Variants in UGT1A8 observed in about 807,000 individuals in gnomAD.
The protein encoded by UGT1A8 is UDP glucuronosyltransferase family 1 member A8, also known as UDP-glucuronosyltransferase 1A8.
In UGT1A8, 39 loss-of-function variants were observed where a neutral mutation model predicts 45.3. The ratio of observed to expected loss-of-function variants is 0.86; its 90% CI spans 0.67 to 1.12. UGT1A8 has a LOEUF of 1.12. Ranked by LOEUF, UGT1A8 falls within the 50% of genes most tolerant of loss-of-function variation. The pLI, the probability that UGT1A8 is intolerant of heterozygous loss-of-function variation, is 0.00. For synonymous variants in UGT1A8, 275 were observed against 249.2 expected (o/e 1.10, Z -0.97); for missense variants, 719 against 664.9 (o/e 1.08, Z -0.90).
At chr2:233,626,112 A>C (rs2073080508) in intron 1 of UGT1A8, among the ~76,000 whole-genome samples, 1 of 151,912 alleles carries the variant, frequency 6.6e-6, no homozygotes, top group Non-Finnish European at 1.5e-5. Context: ...ACTTGGTGTA[A>C]ATTTATGGAA....
chr2:233,639,886 C>T (rs2073404712), intron 1 of UGT1A8, among the ~76,000 whole-genome samples: 1 of 152,154 alleles, frequency 6.6e-6, no homozygotes, highest in Admixed American at 6.5e-5. Flanking sequence ...AATAATTCAG[C>T]AGAACATTGA....
At chr2:233,627,624 T>TCTTTCTTCCTTC (rs2073108388) in intron 1 of UGT1A8, among the ~76,000 whole-genome samples, 1 of 111,934 alleles carries the variant, frequency 8.9e-6, no homozygotes, top group Non-Finnish European at 1.9e-5. Context: ...TTCCTTCCTT[T>TCTTTCTTCCTTC]CTTCCTTCCT....
At chr2:233,743,880 G>GC (rs1692566071) in intron 1 of UGT1A8, 1 of 1,365,832 alleles carries the variant, frequency 7.3e-7, no homozygotes, top group Non-Finnish European at 9.8e-7. Context: ...GATGAGGCCT[G>GC]CCGGGGCACG....
chr2:233,672,904 C>G, intron 1 of UGT1A8: 1 of 1,508,064 alleles, frequency 6.6e-7, no homozygotes, highest in East Asian at 2.3e-5. Flanking sequence ...AATTTCTTTC[C>G]AGTTTAACAA....
intron 1 of UGT1A8, chr2:233,672,260 T>A (rs775577335): frequency 6.2e-7 from 1 of 1,614,196 alleles, no homozygotes; most frequent in South Asian, 1.1e-5. Context: ...TATTCTCTAT[T>A]AATGGGTTCA....
At chr2:233,729,299 C>T in intron 1 of UGT1A8, 2 of 1,614,234 alleles carry the variant, frequency 1.2e-6, no homozygotes, top group Non-Finnish European at 1.7e-6. Flanking sequence ...GGCCACCAGG[C>T]AGTGGTCCTC....
chr2:233,717,965 T>C (rs535452476), intron 1 of UGT1A8: 52 of 449,572 alleles, frequency 1.2e-4, no homozygotes, highest in African/African-American at 5.6e-4. Flanking sequence ...CTGGAGCCTT[T>C]GGCATTCAGA....
intron 1 of UGT1A8, chr2:233,690,834 GA>G (rs1393165111): frequency 9.4e-7 from 1 of 1,069,408 alleles, no homozygotes; most frequent in Non-Finnish European, 1.1e-6. Context: ...ACAGGAGAAA[GA>G]AAAATGTTTT....
chr2:233,718,465 T>G (rs2076655710), intron 1 of UGT1A8, among the ~76,000 whole-genome samples: 1 of 152,222 alleles, frequency 6.6e-6, no homozygotes, highest in Non-Finnish European at 1.5e-5. Context: ...AGACCTCAGC[T>G]GCAGCCTGAT....
chr2:233,748,866 G>T (rs17862876), intron 1 of UGT1A8, among the ~76,000 whole-genome samples: 1,756 of 151,560 alleles, frequency 0.012, 18 homozygotes, highest in Non-Finnish European at 0.019. Flanking sequence ...AGTTAAGCTG[G>T]GGACGGTGAT....
chr2:233,626,613 C>G (rs1045104428), intron 1 of UGT1A8, among the ~76,000 whole-genome samples: 7 of 152,046 alleles, frequency 4.6e-5, no homozygotes, highest in African/African-American at 7.2e-5. Flanking sequence ...ACAGCTCTGT[C>G]TATAACAACA....
At chr2:233,680,412 A>T (rs781618999) in intron 1 of UGT1A8, among the ~76,000 whole-genome samples, 1 of 152,200 alleles carries the variant, frequency 6.6e-6, no homozygotes, top group Admixed American at 6.5e-5. Flanking sequence ...CAACAAAATT[A>T]TTATAGTAGT....
chr2:233,618,783 G>A (rs1004535820), intron 1 of UGT1A8, among the ~76,000 whole-genome samples: 15 of 151,840 alleles, frequency 9.9e-5, no homozygotes, highest in African/African-American at 2.4e-4. Flanking sequence ...ATTGTAGATC[G>A]TATTCAGCTT....
intron 1 of UGT1A8, chr2:233,743,786 C>T: frequency 7.3e-7 from 1 of 1,367,346 alleles, no homozygotes; most frequent in Middle Eastern, 2.1e-4. Context: ...CTTGAATCTC[C>T]TCTCCGCTTC....
chr2:233,717,702 G>A, intron 1 of UGT1A8: 1 of 450,266 alleles, frequency 2.2e-6, no homozygotes, highest in Non-Finnish European at 4.5e-6. Flanking sequence ...TTCTGGAGCA[G>A]GACGAGCCTC....
chr2:233,767,452 A>G (rs1559414101), intron 2 of UGT1A8, among the ~76,000 whole-genome samples: 1 of 152,230 alleles, frequency 6.6e-6, no homozygotes, highest in Non-Finnish European at 1.5e-5. Context: ...AATAAAATAA[A>G]TGGGATATTG....
Position 233,760,871 on chromosome 2 carries a change from G to A in UGT1A8, c.856-6163G>A, listed in dbSNP as rs767764203. 84 of 1,614,010 alleles carry A rather than the reference G, an allele frequency of 5.2e-5. No individual in the cohort carries two copies. Among genetic ancestry groups the A allele is most frequent in the Non-Finnish European group, 5.2e-5 (61 of 1,180,040 alleles). On this transcript the variant is annotated intron_variant, in intron 1 of 4. Transcript: ENST00000373450. ...CCCAACCCATTCTCCTACGTGCCCAGGCCTCTCTCCTCTCATTCAGATCAC... is the reference window on the plus strand; with the variant it reads ...CCCAACCCATTCTCCTACGTGCCCAAGCCTCTCTCCTCTCATTCAGATCAC...
In UGT1A8 at chr2:233,623,789, C is replaced by T. The variant is rs1447569139; in HGVS notation, c.855+5227C>T. Among the ~76,000 whole-genome samples, 2 of 152,102 alleles carry T rather than the reference C, an allele frequency of 1.3e-5. 1 individual carries two copies. Among genetic ancestry groups the T allele is most frequent in the African/African-American group, 4.8e-5 (2 of 41,434 alleles). ...CAAATTTTGATAAGGGTGTCAAGAT[C>T]ATTCAAATGGGAAAGAATAGTCTCT... On this transcript the variant is annotated intron_variant, in intron 1 of 4. Transcript: ENST00000373450.
At chr2:233,684,390 A>G (rs2074678224) in intron 1 of UGT1A8, among the ~76,000 whole-genome samples, 1 of 152,198 alleles carries the variant, frequency 6.6e-6, no homozygotes. Flanking sequence ...TTACAGCACC[A>G]GCCATCACTC....
Sources: allele counts gnomAD v4.1 joint callset (sites outside exome capture counted in the v4.1 genomes callset), GRCh38; gene constraint gnomAD v4.1.1; transcripts MANE v1.5; gene names NCBI Gene and HGNC (gene_info 2026-07-23, HGNC 2026-07-21).